Variants in SLC25A48 observed in about 807,000 individuals in gnomAD.
SLC25A48 encodes the protein CTC-321K16.1.
A neutral mutation model predicts 32.2 loss-of-function variants in SLC25A48; 29 were observed. The observed-to-expected ratio is 0.90, with a 90% CI of 0.67 to 1.23. The LOEUF is 1.23. Ranked by LOEUF, SLC25A48 falls within the 50% of genes most tolerant of loss-of-function variation. The pLI is 0.00. For synonymous variants in SLC25A48, 164 were observed against 172.3 expected (o/e 0.95, Z 0.38); for missense variants, 399 against 422.7 (o/e 0.94, Z 0.49).
intron 4 of SLC25A48, among the ~76,000 whole-genome samples, chr5:135,855,476 T>C (rs1760236485): frequency 6.6e-6 from 1 of 152,204 alleles, no homozygotes; most frequent in African/African-American, 2.4e-5. Context: ...ATCTCCATTT[T>C]ACAGATGAGA....
At chr5:135,849,675 C>A (rs946414673) in intron 2 of SLC25A48, among the ~76,000 whole-genome samples, 7 of 152,188 alleles carry the variant, frequency 4.6e-5, no homozygotes, top group African/African-American at 1.7e-4. Flanking sequence ...CATAGGGCCA[C>A]TGCGACATTT....
chr5:135,684,675 C>T (rs1753976105), intron 3 of SLC25A48, among the ~76,000 whole-genome samples: 1 of 152,156 alleles, frequency 6.6e-6, no homozygotes, highest in Admixed American at 6.5e-5. Flanking sequence ...CTGGTTGGGC[C>T]CAGCACACAG....
intron 3 of SLC25A48, among the ~76,000 whole-genome samples, chr5:135,773,384 CT>C (rs1335623261): frequency 2.7e-5 from 4 of 150,594 alleles, no homozygotes; most frequent in African/African-American, 7.3e-5. Context: ...TGTACACCCC[CT>C]GTGACAATAT....
At chr5:135,724,670 A>G (rs1456115027) in intron 3 of SLC25A48, among the ~76,000 whole-genome samples, 2 of 152,268 alleles carry the variant, frequency 1.3e-5, no homozygotes, top group African/African-American at 2.4e-5. Flanking sequence ...AGGGTGAGTC[A>G]TTGGCCCTGA....
rs145903257 is a variant in SLC25A48, at chr5:135,732,290, G to A, written c.-520-80233G>A. On this transcript the variant is annotated intron_variant, in intron 3 of 10. Coordinates refer to the SLC25A48 transcript ENST00000646290. ...TTGGGTGATTTGACTAATAAAGGCC[G>A]GCCCATTATTGGACTGTATAGAGGT... 2.2e-3 allele frequency among the ~76,000 whole-genome samples: 298 copies of A among 138,540 alleles called. 1 individual carries two copies. Among genetic ancestry groups the A allele is most frequent in the African/African-American group, 8.0e-3 (288 of 35,908 alleles). 90.9% of individuals were successfully genotyped at this position (138,540 alleles called of 152,430 possible).
At position 135,806,964 on chromosome 5, in the gene SLC25A48, A is replaced by G. The variant is rs538197638; in HGVS notation, c.-520-5559A>G. Among the ~76,000 whole-genome samples, 292 of 150,610 alleles carry G rather than the reference A, an allele frequency of 1.9e-3. 1 individual carries two copies. The highest frequency in any genetic ancestry group is 6.7e-3 in the African/African-American group (279 of 41,490). ...AACACTAGATATTTTGAATATCATA[A>G]TAACTGTGTTAAAACACAGGATTAA... On this transcript the variant is annotated intron_variant, in intron 3 of 10. Transcript: ENST00000646290.
intron 3 of SLC25A48, among the ~76,000 whole-genome samples, chr5:135,720,612 C>G (rs1475268460): frequency 6.6e-6 from 1 of 152,212 alleles, no homozygotes; most frequent in Non-Finnish European, 1.5e-5. Context: ...GATGCTGTGG[C>G]TCCCGATATC....
At chr5:135,668,838 A>C (rs543683451) in intron 3 of SLC25A48, among the ~76,000 whole-genome samples, 43 of 152,350 alleles carry the variant, frequency 2.8e-4, no homozygotes, top group African/African-American at 9.4e-4. Context: ...GCAAAGATTA[A>C]ACAAAGCAAT....
chr5:135,645,222 A>G (rs912648776), intron 3 of SLC25A48, among the ~76,000 whole-genome samples: 9 of 152,202 alleles, frequency 5.9e-5, no homozygotes, highest in Non-Finnish European at 1.2e-4. Context: ...ACAGATGTGG[A>G]GCCACAGCTG....
intron 3 of SLC25A48, among the ~76,000 whole-genome samples, chr5:135,635,794 A>G (rs1239170473): frequency 6.6e-6 from 1 of 152,234 alleles, no homozygotes; most frequent in African/African-American, 2.4e-5. Context: ...CAGATCCTGC[A>G]TACCACTGCT....
intron 3 of SLC25A48, among the ~76,000 whole-genome samples, chr5:135,752,831 A>G (rs754007093): frequency 4.6e-5 from 7 of 151,998 alleles, no homozygotes; most frequent in African/African-American, 7.3e-5. Context: ...GTAATCTTCT[A>G]TGATATGGAT....
At chr5:135,883,524 C>A in intron 7 of SLC25A48, 1 of 964,028 alleles carries the variant, frequency 1.0e-6, no homozygotes, top group Non-Finnish European at 1.2e-6. Context: ...TCCTCTCTCT[C>A]TGTTCAGGCC....
At chr5:135,632,180 G>C (rs763474640) in intron 2 of SLC25A48, among the ~76,000 whole-genome samples, 1 of 152,226 alleles carries the variant, frequency 6.6e-6, no homozygotes, top group Non-Finnish European at 1.5e-5. Flanking sequence ...AGAAGATTCT[G>C]TCTTCTGTAC....
intron 3 of SLC25A48, among the ~76,000 whole-genome samples, chr5:135,677,091 C>G (rs535395546): frequency 6.6e-6 from 1 of 152,082 alleles, no homozygotes; most frequent in African/African-American, 2.4e-5. Context: ...GAGTCTATCT[C>G]TTTCTTTAGA....
intron 3 of SLC25A48, among the ~76,000 whole-genome samples, chr5:135,723,362 ACTCTCT>A (rs1159449010): frequency 1.3e-4 from 11 of 87,034 alleles, no homozygotes; most frequent in African/African-American, 3.8e-4. Context: ...TCTGTCTCTC[ACTCTCT>A]CTCTCTCTCT....
At chr5:135,594,890 A>T (rs938879751) in intron 1 of SLC25A48, among the ~76,000 whole-genome samples, 1 of 152,180 alleles carries the variant, frequency 6.6e-6, no homozygotes, top group Admixed American at 6.5e-5. Flanking sequence ...CAGGAGGCCC[A>T]ATGATCATGA....
chr5:135,743,617 T>C lies in SLC25A48; in HGVS notation c.-520-68906T>C, dbSNP rs1160965323. ...ACGAGGTATAATGGAAAATAAAATG[T>C]CTCATTACTGCTCAAATTCAAGTGA... is the stretch of plus-strand genomic sequence containing the variant. On this transcript the variant is annotated intron_variant, in intron 3 of 10. Transcript: ENST00000646290. 2.6e-5 allele frequency among the ~76,000 whole-genome samples: 4 copies of C among 152,148 alleles called. No individual in the cohort carries two copies. In the East Asian group the frequency reaches 5.8e-4, roughly 22 times the overall value.
At chr5:135,687,269 T>G (rs1754039036) in intron 3 of SLC25A48, among the ~76,000 whole-genome samples, 1 of 152,196 alleles carries the variant, frequency 6.6e-6, no homozygotes, top group South Asian at 2.1e-4. Context: ...CACCTATATA[T>G]TTGGAAAATC....
At chr5:135,666,866 A>G (rs1427684726) in intron 3 of SLC25A48, among the ~76,000 whole-genome samples, 1 of 152,072 alleles carries the variant, frequency 6.6e-6, no homozygotes, top group Non-Finnish European at 1.5e-5. Flanking sequence ...AGGCGGGAGG[A>G]GATTCAATGG....
Sources: gnomAD v4.1 joint callset for allele counts (sites outside exome capture counted in the v4.1 genomes callset) on GRCh38, gnomAD v4.1.1 for gene constraint, MANE v1.5 for transcripts, NCBI Gene and HGNC (gene_info 2026-07-23, HGNC 2026-07-21) for gene names.